ATP11A: variants seen among roughly 807,000 people sequenced by gnomAD.
ATP11A encodes ATPase phospholipid transporting 11A, also known as phospholipid-transporting ATPase IH.
Under a neutral mutation model 154.4 loss-of-function variants are expected in ATP11A, and 81 were observed. The observed-to-expected ratio is 0.52, with a 90% CI of 0.44 to 0.63. ATP11A has a LOEUF of 0.63. Among genes scored for constraint, ATP11A ranks in the 30% least tolerant of loss-of-function variants. The pLI, the probability that ATP11A is intolerant of heterozygous loss-of-function variation, is 0.00. For missense variants in ATP11A, 1,316 were observed against 1,474.3 expected (o/e 0.89, Z 1.76); for synonymous variants, 623 against 585.9 (o/e 1.06, Z -0.91).
intron 1 of ATP11A, among the ~76,000 whole-genome samples, chr13:112,756,991 A>G (rs1284070590): frequency 2.6e-5 from 4 of 151,882 alleles, no homozygotes; most frequent in African/African-American, 7.3e-5. Flanking sequence ...CAAAATGATC[A>G]TATTTGAAGA....
intron 25 of ATP11A, among the ~76,000 whole-genome samples, chr13:112,866,344 C>T (rs1023127389): frequency 2.6e-5 from 4 of 152,176 alleles, no homozygotes; most frequent in East Asian, 1.9e-4. Flanking sequence ...AGGGTGTGTG[C>T]GCCTCCTGAC....
chr13:112,863,661 G>T (rs1463768597), intron 25 of ATP11A, among the ~76,000 whole-genome samples: 2 of 146,014 alleles, frequency 1.4e-5, no homozygotes, highest in Non-Finnish European at 1.5e-5. Flanking sequence ...CTTCCCAGCG[G>T]GATCCATCAC....
intron 1 of ATP11A, among the ~76,000 whole-genome samples, chr13:112,724,352 C>G (rs1028233410): frequency 4.0e-5 from 6 of 151,784 alleles, no homozygotes; most frequent in African/African-American, 1.5e-4. Flanking sequence ...AGGGAGGGCC[C>G]TGTGACTCAG....
chr13:112,696,121 G>A lies in ATP11A; in HGVS notation c.39+5666G>A, dbSNP rs1885770205. ...TGTACGCTTGGTGCCCCATCTGCAA[G>A]GTGGGGACTATGATGGTGCCCACCT... On this transcript the variant is annotated intron_variant, in intron 1 of 29. Coordinates refer to ENST00000375645, the MANE Select transcript of ATP11A (RefSeq NM_015205.3). The surrounding 1 kb of genome is among the most constrained non-coding windows in gnomAD (Gnocchi z 6.2). 6.6e-6 allele frequency among the ~76,000 whole-genome samples: 1 copy of A among 152,238 alleles called. No individual in the cohort carries two copies.
At position 112,816,007 on chromosome 13, in the gene ATP11A, G is replaced by T. The variant is rs888112456; in HGVS notation, c.442-76G>T. 6.3e-6 allele frequency: 10 copies of T among 1,591,212 alleles called. No homozygotes were observed. The African/African-American group carries it at 1.1e-4, about 17-fold the overall frequency. On this transcript the variant is annotated intron_variant, in intron 5 of 29. Coordinates refer to ENST00000375645, the MANE Select transcript of ATP11A (RefSeq NM_015205.3). ...CCTGTGAATAGATGAGCAGCTTGAGGGAAGCGGTCCCACAGGACGGGCAAG... is the reference window on the plus strand; with the variant it reads ...CCTGTGAATAGATGAGCAGCTTGAGTGAAGCGGTCCCACAGGACGGGCAAG...
In ATP11A at chr13:112,763,528, G is replaced by A. The variant is rs2077008652; in HGVS notation, c.40-21607G>A. ...CCCCTCACAGCTGTCTCTTGTGGGGGAAATTTGCATTCTGTAGAGAATCCA... is the reference window on the plus strand; with the variant it reads ...CCCCTCACAGCTGTCTCTTGTGGGGAAAATTTGCATTCTGTAGAGAATCCA... On this transcript the variant is annotated intron_variant, in intron 1 of 29. Transcript: ENST00000375645. Among the ~76,000 whole-genome samples the A allele has an allele frequency of 5.9e-5, 9 of 152,260 alleles. No homozygotes were observed. The South Asian group carries it at 1.9e-3, about 32-fold the overall frequency.
At chr13:112,703,862 A>T (rs1886857320) in intron 1 of ATP11A, among the ~76,000 whole-genome samples, 1 of 152,160 alleles carries the variant, frequency 6.6e-6, no homozygotes, top group African/African-American at 2.4e-5. Flanking sequence ...GACAAGACAG[A>T]TGTTAGGGTT....
chr13:112,868,624 T>C (rs2080415586), intron 25 of ATP11A, among the ~76,000 whole-genome samples: 1 of 152,150 alleles, frequency 6.6e-6, no homozygotes, highest in African/African-American at 2.4e-5. Context: ...AGGGTCCCTG[T>C]GAAAAGCCCT....
intron 1 of ATP11A, among the ~76,000 whole-genome samples, chr13:112,762,220 T>A (rs1271159651): frequency 6.6e-6 from 1 of 152,212 alleles, no homozygotes; most frequent in Non-Finnish European, 1.5e-5. Context: ...GGTGGGCTTC[T>A]GGGCCGGGTC....
chr13:112,849,826 G>A (rs1389400661), intron 17 of ATP11A, among the ~76,000 whole-genome samples: 1 of 152,236 alleles, frequency 6.6e-6, no homozygotes. Context: ...CGTGTGCTCA[G>A]CAGGAGGTGA....
intron 17 of ATP11A, among the ~76,000 whole-genome samples, chr13:112,843,905 A>G (rs1301948703): frequency 1.3e-5 from 2 of 152,238 alleles, no homozygotes; most frequent in Non-Finnish European, 2.9e-5. Flanking sequence ...ATAAATCAGC[A>G]GCAGGTTAAA....
At chr13:112,854,655 A>G in intron 19 of ATP11A, 125 bp downstream of exon 19, 1 of 1,166,384 alleles carries the variant, frequency 8.6e-7, no homozygotes. Context: ...CCCCTGGGGC[A>G]TTAATGCCAG....
chr13:112,840,826 G>A (rs958070516), intron 16 of ATP11A, among the ~76,000 whole-genome samples: 1 of 151,912 alleles, frequency 6.6e-6, no homozygotes, highest in African/African-American at 2.4e-5. Flanking sequence ...CCAGGCCTTG[G>A]ATCCGGGTCG....
intron 17 of ATP11A, among the ~76,000 whole-genome samples, chr13:112,844,458 C>T (rs1472264502): frequency 6.6e-6 from 1 of 152,202 alleles, no homozygotes; most frequent in Non-Finnish European, 1.5e-5. Flanking sequence ...ATCCCTCACC[C>T]TAGAGACTGT....
At chr13:112,860,041 C>CTT (rs112313047) in intron 23 of ATP11A, among the ~76,000 whole-genome samples, 1 of 143,642 alleles carries the variant, frequency 7.0e-6, no homozygotes, top group Non-Finnish European at 1.5e-5. Context: ...GACTTTTTTC[C>CTT]TTTTTTTTTT....
rs2140292741 is a variant in ATP11A at position 112,842,276 on chromosome 13, G to A, written c.1706G>A (p.Gly569Glu). The A allele has an allele frequency of 1.2e-6, 2 of 1,605,086 alleles. No individual in the cohort carries two copies. Among genetic ancestry groups the A allele is most frequent in the Non-Finnish European group, 1.7e-6 (2 of 1,174,594 alleles). Residue 569 changes from glycine (G) to glutamate (E), a missense_variant and splice_region_variant, in exon 17 of 30, where the codon GGA becomes GAA. By Grantham distance (98) the Gly-to-Glu change is moderately conservative. Transcript: ENST00000375645. ...RMSVIVKSAT[G>E]EIYLFCKGAD... Reference sequence around the variant, plus strand: ...ACTCCTCATTTTTCTCATTTTGTAGGAGAAATTTATCTGTTTTGCAAAGGA... The same window carrying A: ...ACTCCTCATTTTTCTCATTTTGTAGAAGAAATTTATCTGTTTTGCAAAGGA...
intron 25 of ATP11A, among the ~76,000 whole-genome samples, chr13:112,866,861 A>G (rs938391185): frequency 2.0e-5 from 3 of 152,000 alleles, no homozygotes; most frequent in East Asian, 3.9e-4. Context: ...TATCTTGAGA[A>G]CCAATTCAAA....
chr13:112,694,753 T>G (rs1280378608), intron 1 of ATP11A, among the ~76,000 whole-genome samples: 1 of 152,196 alleles, frequency 6.6e-6, no homozygotes, highest in Non-Finnish European at 1.5e-5. Context: ...CATTCTTGCT[T>G]CTTAACATTC....
chr13:112,808,753 C>G (rs1215354709), intron 4 of ATP11A, among the ~76,000 whole-genome samples: 4 of 152,186 alleles, frequency 2.6e-5, no homozygotes. Flanking sequence ...TCTCACTGTA[C>G]CTGGCTCTGC....
Sources: gnomAD v4.1 joint callset for allele counts (sites outside exome capture counted in the v4.1 genomes callset) on GRCh38, gnomAD v4.1.1 for gene constraint, Gnocchi (gnomAD v3.1) non-coding constraint, MANE v1.5 for transcripts, NCBI Gene and HGNC (gene_info 2026-07-23, HGNC 2026-07-21) for gene names.